Variants in PCDHGA9 observed in about 807,000 individuals in gnomAD.
PCDHGA9 encodes the protein protocadherin gamma-A9.
A neutral mutation model predicts 62.5 loss-of-function variants in PCDHGA9; 37 were observed. The observed-to-expected ratio is 0.59, with a 90% CI of 0.46 to 0.78. The LOEUF (loss-of-function observed/expected upper bound fraction) is 0.78, where lower values mean the gene tolerates loss of function less well. PCDHGA9 is among the 30% of genes least tolerant of loss of function. PCDHGA9 has a pLI of 0.00. For synonymous variants in PCDHGA9, 459 were observed against 484.6 expected, an observed-to-expected ratio of 0.95 and a Z score of 0.69; for missense variants, 1,138 against 1,166.2, an observed-to-expected ratio of 0.98 and a Z score of 0.35.
At chr5:141,481,813 G>C (rs185558948) in intron 1 of PCDHGA9, among the ~76,000 whole-genome samples, 1 of 151,824 alleles carries the variant, frequency 6.6e-6, no homozygotes, top group African/African-American at 2.4e-5. Flanking sequence ...TTCACCAGGC[G>C]TGGTGGCTGA....
intron 1 of PCDHGA9, chr5:141,430,960 C>T (rs2097330619): frequency 6.2e-7 from 1 of 1,612,432 alleles, no homozygotes; most frequent in Non-Finnish European, 8.5e-7. Context: ...TCCGCATCAT[C>T]CCCAGAGGTA....
intron 1 of PCDHGA9, chr5:141,484,969 G>A: frequency 3.4e-6 from 2 of 584,588 alleles, no homozygotes; most frequent in Admixed American, 3.2e-5. Flanking sequence ...CCCGGGAGCC[G>A]CTGTCTGCCA....
chr5:141,500,176 A>ATTTT (rs1468241826), intron 2 of PCDHGA9, among the ~76,000 whole-genome samples: 91 of 145,916 alleles, frequency 6.2e-4, no homozygotes, highest in African/African-American at 2.3e-3. Context: ...CATGAGCTTC[A>ATTTT]TTTTTATTTT....
chr5:141,510,804 T>C (rs965530116), intron 3 of PCDHGA9, 143 bp from the exon 4 acceptor site: 2 of 1,504,768 alleles, frequency 1.3e-6, no homozygotes, highest in Admixed American at 2.0e-5. Flanking sequence ...AGAGACTACC[T>C]TGGTGACCCC....
In PCDHGA9 at chr5:141,493,550, T is replaced by C. The variant is rs978188511; in HGVS notation, c.2425-1257T>C. On this transcript the variant is annotated intron_variant, in intron 1 of 3. Coordinates refer to ENST00000573521, the MANE Select transcript of PCDHGA9 (RefSeq NM_018921.3). This position sits in a 1 kb window ranked among gnomAD's most constrained non-coding sequence, Gnocchi z 4.3. Reference sequence around the variant, plus strand: ...ACTTGGCCAGTTATCCTTTTGGAGATTGAGTTCCCCCAGCTCCGTTTCCTC... The same window carrying C: ...ACTTGGCCAGTTATCCTTTTGGAGACTGAGTTCCCCCAGCTCCGTTTCCTC... Among the ~76,000 whole-genome samples the C allele has an allele frequency of 1.3e-5, 2 of 152,172 alleles. No homozygotes were observed. The highest frequency in any genetic ancestry group is 2.4e-5 in the African/African-American group (1 of 41,430).
At position 141,489,094 on chromosome 5, in the gene PCDHGA9, G is replaced by GAAA. The variant is rs2154581134; in HGVS notation, c.2425-5711_2425-5710insAAA. On this transcript the variant is annotated intron_variant, in intron 1 of 3. Coordinates refer to ENST00000573521, the MANE Select transcript of PCDHGA9 (RefSeq NM_018921.3). The surrounding 1 kb of genome is among the most constrained non-coding windows in gnomAD (Gnocchi z 4.5). ...CCCACCCCCGCCACTCGGTGACTAA[G>GAAA]AACTGCTGCAAGCAGGCAAACCTCC... The GAAA allele has an allele frequency of 5.1e-6, 2 of 396,028 alleles. No homozygotes were observed. Among genetic ancestry groups the GAAA allele is most frequent in the South Asian group, 4.8e-5 (1 of 20,814 alleles). The allele number at this position is 396,028 out of a possible 1,614,324, so 24.5% of individuals were successfully genotyped here.
chr5:141,493,330 A>G lies in PCDHGA9; in HGVS notation c.2425-1477A>G, dbSNP rs979607147. 6.6e-6 allele frequency among the ~76,000 whole-genome samples: 1 copy of G among 152,182 alleles called. No homozygotes were observed. Among genetic ancestry groups the G allele is most frequent in the Non-Finnish European group, 1.5e-5 (1 of 68,020 alleles). On this transcript the variant is annotated intron_variant, in intron 1 of 3. Coordinates refer to ENST00000573521, the MANE Select transcript of PCDHGA9 (RefSeq NM_018921.3). The surrounding 1 kb of genome is among the most constrained non-coding windows in gnomAD (Gnocchi z 4.3). ...GTAAGAGAGATTCTAACCCCTGTCT[A>G]ACTCCAGAATGTGTGCTTTTAATTT... is the stretch of plus-strand genomic sequence containing the variant.
chr5:141,482,503 C>A (rs375429072), intron 1 of PCDHGA9, among the ~76,000 whole-genome samples: 2 of 136,154 alleles, frequency 1.5e-5, no homozygotes, highest in South Asian at 4.4e-4. Context: ...CATTCTGGTA[C>A]CCAGAGTACA....
intron 1 of PCDHGA9, among the ~76,000 whole-genome samples, chr5:141,449,131 G>A (rs530494400): frequency 7.9e-5 from 12 of 152,220 alleles, no homozygotes; most frequent in Non-Finnish European, 1.3e-4. Flanking sequence ...CCCAGAAATG[G>A]AATTGAAATT....
In PCDHGA9 at chr5:141,404,308, C is replaced by T. The variant is rs1241004917; in HGVS notation, c.1356C>T (p.Phe452=). Residue 452 remains phenylalanine (F), a synonymous_variant, in exon 1 of 4, where the codon TTC becomes TTT. Coordinates refer to ENST00000573521, the MANE Select transcript of PCDHGA9 (RefSeq NM_018921.3). Reference sequence around the variant, plus strand: ...ACATCAATGATAATCCACCTGCTTTCTCTCAAGCCTCCTACTCAGTCTACC... The same window carrying T: ...ACATCAATGATAATCCACCTGCTTTTTCTCAAGCCTCCTACTCAGTCTACC... ...VTDINDNPPA[F]SQASYSVYLP... The T allele has an allele frequency of 6.2e-7, 1 of 1,613,918 alleles. No homozygotes were observed. Among genetic ancestry groups the T allele is most frequent in the Middle Eastern group, 1.6e-4 (1 of 6,062 alleles).
At chr5:141,488,139 T>C (rs906194527) in intron 1 of PCDHGA9, among the ~76,000 whole-genome samples, 2 of 152,084 alleles carry the variant, frequency 1.3e-5, no homozygotes, top group Non-Finnish European at 2.9e-5. Context: ...AGGAGAGAAC[T>C]AAAGGAATAG....
intron 1 of PCDHGA9, among the ~76,000 whole-genome samples, chr5:141,483,094 G>C (rs1304382782): frequency 6.6e-6 from 1 of 152,058 alleles, no homozygotes; most frequent in African/African-American, 2.4e-5. Context: ...CAAAAAAAAA[G>C]TGTGCGTGTA....
At chr5:141,419,762 A>G in intron 1 of PCDHGA9, 1 of 1,614,008 alleles carries the variant, frequency 6.2e-7, no homozygotes, top group Non-Finnish European at 8.5e-7. Context: ...TTTGGGTGAC[A>G]AGGACTCGGT....
chr5:141,456,446 T>C (rs1053843910), intron 1 of PCDHGA9, among the ~76,000 whole-genome samples: 2 of 151,782 alleles, frequency 1.3e-5, no homozygotes, highest in Admixed American at 1.3e-4. Context: ...GTATACAGAG[T>C]CCAAATATCA....
At chr5:141,500,809 A>G (rs1018522111) in intron 2 of PCDHGA9, among the ~76,000 whole-genome samples, 1 of 152,324 alleles carries the variant, frequency 6.6e-6, no homozygotes, top group African/African-American at 2.4e-5. Context: ...CCTCATATGA[A>G]TATACATATT....
chr5:141,493,250 C>T lies in PCDHGA9; in HGVS notation c.2425-1557C>T, dbSNP rs1330348553. On this transcript the variant is annotated intron_variant, in intron 1 of 3. Coordinates refer to ENST00000573521, the MANE Select transcript of PCDHGA9 (RefSeq NM_018921.3). The surrounding 1 kb of genome is among the most constrained non-coding windows in gnomAD (Gnocchi z 4.3). ...TGCTGTTGGCTAGGTACTAACATGC[C>T]TCTCTTATAACAGCTTCACAGAGGT... Among the ~76,000 whole-genome samples the T allele has an allele frequency of 1.3e-5, 2 of 152,154 alleles. No homozygotes were observed. Among genetic ancestry groups the T allele is most frequent in the Non-Finnish European group, 2.9e-5 (2 of 68,024 alleles).
rs767001796 is a variant in PCDHGA9, at chr5:141,405,207, C to A, written c.2255C>A (p.Thr752Asn). 6.2e-7 allele frequency: 1 copy of A among 1,613,292 alleles called. No homozygotes were observed. Among genetic ancestry groups the A allele is most frequent in the Non-Finnish European group, 8.5e-7 (1 of 1,179,736 alleles). Residue 752 changes from threonine (T) to asparagine (N), a missense_variant, in exon 1 of 4, where the codon ACC becomes AAC. By Grantham distance (65) the Thr-to-Asn change is moderately conservative. Coordinates refer to ENST00000573521, the MANE Select transcript of PCDHGA9 (RefSeq NM_018921.3). ...GVDGVRAFLQ[T>N]YSQEFSLTAD... ...GATGGGGTTCGAGCTTTCCTACAGA[C>A]CTATTCTCAGGAGTTCTCCCTCACC...
rs2099606506 is a variant in PCDHGA9 at position 141,485,072 on chromosome 5, G to A, written c.2425-9735G>A. ...CCGGCCGAACCGCGCCAGAGCTGGC[G>A]CGGGGAAAGGGAGATAGGTGTCTCC... On this transcript the variant is annotated intron_variant, in intron 1 of 3. Transcript: ENST00000573521. This position sits in a 1 kb window ranked among gnomAD's most constrained non-coding sequence, Gnocchi z 5.7. 2 of 916,892 alleles carry A rather than the reference G, an allele frequency of 2.2e-6. No homozygotes were observed. The highest frequency in any genetic ancestry group is 3.4e-6 in the Non-Finnish European group (2 of 587,886). The allele number at this position is 916,892 out of a possible 1,614,324, so 56.8% of individuals were successfully genotyped here.
At chr5:141,447,834 C>T (rs2098552835) in intron 1 of PCDHGA9, among the ~76,000 whole-genome samples, 1 of 151,844 alleles carries the variant, frequency 6.6e-6, no homozygotes, top group African/African-American at 2.4e-5. Flanking sequence ...GCCTGTAATC[C>T]CAGTGCTTTG....
Sources: gnomAD v4.1 joint callset for allele counts (sites outside exome capture counted in the v4.1 genomes callset) on GRCh38, gnomAD v4.1.1 for gene constraint, Gnocchi (gnomAD v3.1) non-coding constraint, MANE v1.5 for transcripts, NCBI Gene and HGNC (gene_info 2026-07-23, HGNC 2026-07-21) for gene names.